Variants in OSBPL10 observed in about 807,000 individuals in gnomAD.
OSBPL10 encodes oxysterol-binding protein-related protein 10.
A neutral mutation model predicts 81.7 loss-of-function variants in OSBPL10; 49 were observed. The observed-to-expected ratio is 0.60, with a 90% CI of 0.48 to 0.76. The LOEUF is 0.76. Among genes scored for constraint, OSBPL10 ranks in the 30% least tolerant of loss-of-function variants. The pLI, the probability that OSBPL10 is intolerant of heterozygous loss-of-function variation, is 0.00. For missense variants in OSBPL10, 923 were observed against 987.8 expected (o/e 0.93, Z 0.88); for synonymous variants, 419 against 383.6 (o/e 1.09, Z -1.08).
At chr3:31,930,003 C>CAAACAAACAAAAAAAA (rs1306473764) in intron 1 of OSBPL10, among the ~76,000 whole-genome samples, 1 of 72,574 alleles carries the variant, frequency 1.4e-5, no homozygotes, top group African/African-American at 5.3e-5. Context: ...TGTCACCAAC[C>CAAACAAACAAAAAAAA]AAAAAAAAAA....
chr3:31,980,911 C>A lies in OSBPL10; in HGVS notation c.269G>T (p.Gly90Val). 4.4e-6 allele frequency: 7 copies of A among 1,575,530 alleles called. No homozygotes were observed. Among genetic ancestry groups the A allele is most frequent in the Non-Finnish European group, 6.0e-6 (7 of 1,164,302 alleles). Residue 90 changes from glycine (G) to valine (V), a missense_variant, in exon 1 of 12, where the codon GGC becomes GTC. Gly to Val is a moderately radical substitution (Grantham distance 109, BLOSUM62 -3). Transcript: ENST00000396556. ...VLSKYTNLLQ[G>V]WQNRYFVLDF... ...GCTGGCGCGTTACCTGTTCTGCCAG[C>A]CCTGGAGGAGGTTGGTGTATTTGCT...
intron 2 of OSBPL10, among the ~76,000 whole-genome samples, chr3:31,878,360 T>C (rs1187699572): frequency 6.6e-6 from 1 of 152,220 alleles, no homozygotes; most frequent in African/African-American, 2.4e-5. Context: ...AAGCAATAAA[T>C]GGCAAAGCGA....
At chr3:31,806,573 T>C (rs566342970) in intron 4 of OSBPL10, among the ~76,000 whole-genome samples, 3 of 152,184 alleles carry the variant, frequency 2.0e-5, no homozygotes, top group African/African-American at 4.8e-5. Flanking sequence ...AAGTACCTGC[T>C]CCCTGTGAAG....
intron 4 of OSBPL10, among the ~76,000 whole-genome samples, chr3:31,776,762 G>A (rs901390891): frequency 6.6e-6 from 1 of 152,104 alleles, no homozygotes; most frequent in African/African-American, 2.4e-5. Flanking sequence ...AACCATGATT[G>A]GTTGTTGCCC....
intron 1 of OSBPL10, among the ~76,000 whole-genome samples, chr3:31,891,089 A>G (rs1695879589): frequency 6.6e-6 from 1 of 152,140 alleles, no homozygotes; most frequent in Non-Finnish European, 1.5e-5. Flanking sequence ...TTTTCCCTAA[A>G]CATCAACTAA....
In OSBPL10 at chr3:31,747,953, A is replaced by G; in HGVS notation, c.897T>C (p.Ser299=). 1.9e-6 allele frequency: 3 copies of G among 1,613,912 alleles called. No homozygotes were observed. Among genetic ancestry groups the G allele is most frequent in the Non-Finnish European group, 2.5e-6 (3 of 1,180,002 alleles). ...GGCTGGGCTGGCCCGCCTGGTGCAC[A>G]CTCTGCTGTAACAAGTTGAGGCACT... ...LGECLNLLQQ[S]VHQAGQPSQK... is the part of the protein sequence containing the mutation. Residue 299 remains serine (S), a synonymous_variant, in exon 5 of 12, where the codon AGT becomes AGC. Transcript: ENST00000396556.
intron 4 of OSBPL10, among the ~76,000 whole-genome samples, chr3:31,786,033 G>T (rs1698852092): frequency 6.6e-6 from 1 of 152,224 alleles, no homozygotes; most frequent in Admixed American, 6.5e-5. Context: ...ATTCTCACAT[G>T]TGCCAAAGCC....
intron 2 of OSBPL10, chr3:31,990,035 G>A: frequency 1.2e-6 from 2 of 1,614,090 alleles, no homozygotes; most frequent in Non-Finnish European, 8.5e-7. Flanking sequence ...TGTGAAGAAT[G>A]TGACAAAGTT....
chr3:31,964,093 T>TA (rs765251067), intron 1 of OSBPL10, among the ~76,000 whole-genome samples: 7 of 152,210 alleles, frequency 4.6e-5, no homozygotes, highest in African/African-American at 7.2e-5. Flanking sequence ...CTGGGTTGTC[T>TA]AATGATTCCT....
intron 3 of OSBPL10, among the ~76,000 whole-genome samples, chr3:31,871,932 C>T (rs555751560): frequency 6.6e-6 from 1 of 152,256 alleles, no homozygotes; most frequent in East Asian, 1.9e-4. Flanking sequence ...GCATTTAAGA[C>T]CTTCAAAGTC....
rs1383263429 is a variant in OSBPL10 at position 31,683,671 on chromosome 3, G to A, written c.1689C>T (p.Phe563=). The A allele has an allele frequency of 3.7e-6, 6 of 1,613,860 alleles. No homozygotes were observed. Among genetic ancestry groups the A allele is most frequent in the Non-Finnish European group, 5.1e-6 (6 of 1,179,778 alleles). Residue 563 remains phenylalanine (F), a synonymous_variant, in exon 8 of 12, where the codon TTC becomes TTT. Coordinates refer to ENST00000396556, the MANE Select transcript of OSBPL10 (RefSeq NM_017784.5). ...VNTHVWTKSK[F]MGMSVGVSMI... is the part of the protein sequence containing the mutation. ...TAGAGACCCCCACGGACATGCCCATGAACTTGCTTTTGGTCCATACATGAG... is the reference window on the plus strand; with the variant it reads ...TAGAGACCCCCACGGACATGCCCATAAACTTGCTTTTGGTCCATACATGAG...
intron 2 of OSBPL10, among the ~76,000 whole-genome samples, chr3:32,040,380 C>T (rs1699562894): frequency 6.6e-6 from 1 of 152,052 alleles, no homozygotes; most frequent in Non-Finnish European, 1.5e-5. Context: ...GCACTCCAGC[C>T]TAGGCGACAG....
At chr3:31,922,387 G>C (rs1696941759) in intron 1 of OSBPL10, among the ~76,000 whole-genome samples, 1 of 152,176 alleles carries the variant, frequency 6.6e-6, no homozygotes, top group African/African-American at 2.4e-5. Context: ...GGGAGGCCAT[G>C]GCGGGCAGAT....
intron 7 of OSBPL10, among the ~76,000 whole-genome samples, chr3:31,695,246 T>A (rs1336041341): frequency 1.3e-5 from 2 of 152,218 alleles, no homozygotes; most frequent in South Asian, 4.1e-4. Flanking sequence ...GAGGTTTTTC[T>A]ATATCTGTAA....
chr3:31,809,040 GT>G (rs1249703920), intron 4 of OSBPL10, among the ~76,000 whole-genome samples: 1 of 150,262 alleles, frequency 6.7e-6, no homozygotes, highest in African/African-American at 2.5e-5. Context: ...TTCAGCAAAA[GT>G]AAGACTAAGC....
intron 1 of OSBPL10, among the ~76,000 whole-genome samples, chr3:31,922,908 C>G (rs940596717): frequency 6.6e-6 from 1 of 151,914 alleles, no homozygotes; most frequent in Non-Finnish European, 1.5e-5. Context: ...GAGCACAAAA[C>G]GGAAGCTATT....
intron 4 of OSBPL10, among the ~76,000 whole-genome samples, chr3:31,773,188 G>A (rs190355091): frequency 1.9e-4 from 29 of 152,208 alleles, no homozygotes; most frequent in African/African-American, 7.0e-4. Context: ...CTCACATACA[G>A]ATTGGCAAAT....
At chr3:31,896,290 T>G (rs1289759164) in intron 1 of OSBPL10, among the ~76,000 whole-genome samples, 1 of 152,216 alleles carries the variant, frequency 6.6e-6, no homozygotes, top group East Asian at 1.9e-4. Flanking sequence ...AAAGACTGTG[T>G]AAGATTATAT....
At chr3:31,991,256 G>A (rs35460795) in intron 2 of OSBPL10, 7,849 of 354,262 alleles carry the variant, frequency 0.022, 214 homozygotes, top group African/African-American at 0.092. Context: ...GACCATCCTG[G>A]CCAAAAGACG....
Sources: allele counts gnomAD v4.1 joint callset (sites outside exome capture counted in the v4.1 genomes callset), GRCh38; gene constraint gnomAD v4.1.1; transcripts MANE v1.5; gene names NCBI Gene and HGNC (gene_info 2026-07-23, HGNC 2026-07-21).